TENM3: variants seen among roughly 807,000 people sequenced by gnomAD.
TENM3 encodes the protein teneurin transmembrane protein 3.
Under a neutral mutation model 255.1 loss-of-function variants are expected in TENM3, and 63 were observed. The observed-to-expected ratio is 0.25, with a 90% CI of 0.20 to 0.30. The LOEUF (loss-of-function observed/expected upper bound fraction) is 0.30, where lower values mean the gene tolerates loss of function less well. TENM3 is among the 10% of genes least tolerant of loss of function. The pLI, the probability that TENM3 is intolerant of heterozygous loss-of-function variation, is 1.00. For missense variants in TENM3, 2,929 were observed against 3,461.1 expected, an observed-to-expected ratio of 0.85 and a Z score of 3.86; for synonymous variants, 1,306 against 1,322.3, an observed-to-expected ratio of 0.99 and a Z score of 0.27.
the TENM3 span, among the ~76,000 whole-genome samples, chr4:181,741,896 C>G: frequency 6.6e-6 from 1 of 152,182 alleles, no homozygotes; most frequent in African/African-American, 2.4e-5. Flanking sequence ...ATGAACATAG[C>G]AGGAGAAATG....
chr4:181,719,393 A>G, the TENM3 span, among the ~76,000 whole-genome samples: 3 of 152,138 alleles, frequency 2.0e-5, no homozygotes, highest in Non-Finnish European at 4.4e-5. Flanking sequence ...AGTACCACAA[A>G]CTGGGTGGCT....
chr4:181,722,564 G>C, the TENM3 span, among the ~76,000 whole-genome samples: 1 of 152,140 alleles, frequency 6.6e-6, no homozygotes, highest in Non-Finnish European at 1.5e-5. Flanking sequence ...TTGAGTAGTT[G>C]TGTCTAATAT....
chr4:182,720,527 C>T (rs1759633115), intron 13 of TENM3, among the ~76,000 whole-genome samples: 1 of 152,098 alleles, frequency 6.6e-6, no homozygotes, highest in South Asian at 2.1e-4. Context: ...CTACTGGATC[C>T]TACCTAAAGT....
intron 3 of TENM3, among the ~76,000 whole-genome samples, chr4:182,424,949 A>G (rs1448137082): frequency 6.6e-6 from 1 of 152,208 alleles, no homozygotes; most frequent in African/African-American, 2.4e-5. Context: ...AAAAACTGAC[A>G]GTTCTCTTTG....
At chr4:181,814,420 G>A in the TENM3 span, among the ~76,000 whole-genome samples, 1 of 152,124 alleles carries the variant, frequency 6.6e-6, no homozygotes, top group South Asian at 2.1e-4. Flanking sequence ...CAAACTTTGT[G>A]AGCATTTTCA....
chr4:182,223,837 A>G (rs1017085856), intron 1 of TENM3, among the ~76,000 whole-genome samples: 17 of 150,316 alleles, frequency 1.1e-4, no homozygotes, highest in Admixed American at 3.3e-4. Flanking sequence ...TAGTACTTCT[A>G]TCTACCACTT....
chr4:182,396,286 A>G (rs1768803604), intron 3 of TENM3, among the ~76,000 whole-genome samples: 1 of 152,206 alleles, frequency 6.6e-6, no homozygotes. Flanking sequence ...ATCATGAGGA[A>G]GCCTAGTATT....
the TENM3 span, among the ~76,000 whole-genome samples, chr4:181,767,201 G>A: frequency 1.4e-5 from 2 of 143,920 alleles, no homozygotes; most frequent in Admixed American, 7.1e-5. Flanking sequence ...GCAGTGAGCC[G>A]AGAAGGTGCC....
the TENM3 span, among the ~76,000 whole-genome samples, chr4:181,875,544 C>A: frequency 6.6e-6 from 1 of 151,812 alleles, no homozygotes; most frequent in Non-Finnish European, 1.5e-5. Context: ...CAACACAAAC[C>A]ATACTTTTAT....
intron 1 of TENM3, among the ~76,000 whole-genome samples, chr4:182,154,650 G>T (rs981264555): frequency 1.3e-5 from 2 of 152,084 alleles, no homozygotes; most frequent in Non-Finnish European, 1.5e-5. Flanking sequence ...TTTAAGTGGG[G>T]TACCTCCTCA....
chr4:182,040,589 C>T, the TENM3 span, among the ~76,000 whole-genome samples: 1 of 152,164 alleles, frequency 6.6e-6, no homozygotes, highest in African/African-American at 2.4e-5. Flanking sequence ...ACTTATAACA[C>T]CCAATCAGCC....
At chr4:181,794,749 GT>G in the TENM3 span, among the ~76,000 whole-genome samples, 1 of 148,530 alleles carries the variant, frequency 6.7e-6, no homozygotes, top group African/African-American at 2.5e-5. Context: ...GAACATTTTA[GT>G]TCTGTCTAGG....
At chr4:182,771,235 A>T (rs1764180627) in intron 22 of TENM3, among the ~76,000 whole-genome samples, 1 of 152,228 alleles carries the variant, frequency 6.6e-6, no homozygotes, top group African/African-American at 2.4e-5. Flanking sequence ...TTTCTGCTTC[A>T]GATTGAATGG....
In TENM3 at chr4:182,800,540, C is replaced by T. The variant is rs1766872980; in HGVS notation, c.*189C>T. On this transcript the variant is annotated 3_prime_UTR_variant, in exon 28 of 28. Coordinates refer to ENST00000511685, the MANE Select transcript of TENM3 (RefSeq NM_001080477.4). The stretch of plus-strand genomic sequence containing the variant: ...TGACCTTAAAGGTGATCGGCTTTAA[C>T]GAATATGTTTACATATGCATAGCGC... 1.5e-6 allele frequency: 1 copy of T among 654,746 alleles called. No individual in the cohort carries two copies. Among genetic ancestry groups the T allele is most frequent in the South Asian group, 2.0e-5 (1 of 50,160 alleles). The allele number at this position is 654,746 out of a possible 1,614,324, so 40.6% of individuals were successfully genotyped here.
the TENM3 span, among the ~76,000 whole-genome samples, chr4:181,720,037 A>T: frequency 6.6e-6 from 1 of 152,230 alleles, no homozygotes; most frequent in Non-Finnish European, 1.5e-5. Context: ...GTGCTGGATA[A>T]CCATTTTCTA....
chr4:182,416,112 A>G (rs1022829081), intron 3 of TENM3, among the ~76,000 whole-genome samples: 2 of 152,232 alleles, frequency 1.3e-5, no homozygotes, highest in African/African-American at 4.8e-5. Flanking sequence ...GAAAATTTGA[A>G]TAATATGGGA....
chr4:181,955,044 T>C, the TENM3 span, among the ~76,000 whole-genome samples: 2 of 152,210 alleles, frequency 1.3e-5, no homozygotes, highest in Admixed American at 6.5e-5. Flanking sequence ...ATTTCTTAAA[T>C]TGATATTTTT....
At chr4:182,614,500 T>TTCTAAAA (rs2152436635) in intron 4 of TENM3, among the ~76,000 whole-genome samples, 2 of 152,334 alleles carry the variant, frequency 1.3e-5, no homozygotes, top group South Asian at 4.1e-4. Flanking sequence ...GAGTATGTTT[T>TTCTAAAA]ATTACTTATT....
intron 1 of TENM3, among the ~76,000 whole-genome samples, chr4:182,219,936 G>A (rs900293976): frequency 9.2e-5 from 14 of 152,116 alleles, no homozygotes; most frequent in African/African-American, 2.9e-4. Context: ...TATTTAATAT[G>A]CCTCTGTATG....
Sources: gnomAD v4.1 joint callset for allele counts (sites outside exome capture counted in the v4.1 genomes callset) on GRCh38, gnomAD v4.1.1 for gene constraint, MANE v1.5 for transcripts, NCBI Gene and HGNC (gene_info 2026-07-23, HGNC 2026-07-21) for gene names.